Variants in TAS1R1 observed in about 807,000 individuals in gnomAD.
TAS1R1 encodes taste 1 receptor member 1.
In TAS1R1, 31 loss-of-function variants were observed where a neutral mutation model predicts 45.8. That is an observed-to-expected ratio of 0.68 (90% CI 0.51 to 0.91). TAS1R1 has a LOEUF of 0.91. Ranked by LOEUF, TAS1R1 falls within the 40% of genes least tolerant of loss-of-function variation. The pLI is 0.00. For synonymous variants in TAS1R1, 437 were observed against 448.4 expected (o/e 0.97, Z 0.32); for missense variants, 1,051 against 1,063.9 (o/e 0.99, Z 0.17).
At chr1:6,566,004 T>C (rs1639866542) in intron 1 of TAS1R1, among the ~76,000 whole-genome samples, 1 of 152,128 alleles carries the variant, frequency 6.6e-6, no homozygotes, top group Non-Finnish European at 1.5e-5. Context: ...TGGAGAGTTG[T>C]GCTTTGGAGG....
chr1:6,578,248 C>CA (rs1640238721), intron 5 of TAS1R1, among the ~76,000 whole-genome samples: 1 of 152,160 alleles, frequency 6.6e-6, no homozygotes, highest in Admixed American at 6.5e-5. Flanking sequence ...GGTCAGGACT[C>CA]AGAGAAACCA....
chr1:6,567,420 C>T (rs568348870), intron 1 of TAS1R1, among the ~76,000 whole-genome samples: 31 of 152,138 alleles, frequency 2.0e-4, no homozygotes, highest in African/African-American at 6.7e-4. Flanking sequence ...ATTAGCCAGG[C>T]GTGGTGGTGT....
Position 6,575,051 on chromosome 1 carries a change from A to G in TAS1R1, c.919A>G (p.Arg307Gly). 1 of 1,587,544 alleles carries G rather than the reference A, an allele frequency of 6.3e-7. No individual in the cohort carries two copies. Residue 307 changes from arginine to glycine, a missense_variant, in exon 3 of 6, where the codon AGG becomes GGG. Arg to Gly is a moderately radical substitution (Grantham distance 125). Coordinates refer to ENST00000333172, the MANE Select transcript of TAS1R1 (RefSeq NM_138697.4). ...WVASEAWALSRHITGVPGIQR... is the reference protein window; with the variant it reads ...WVASEAWALSGHITGVPGIQR... Reference sequence around the variant, plus strand: ...CGCCTCAGAAGCCTGGGCCCTCTCCAGGCACATCACTGGGGTGCCCGGGAT... The same window carrying G: ...CGCCTCAGAAGCCTGGGCCCTCTCCGGGCACATCACTGGGGTGCCCGGGAT...
intron 1 of TAS1R1, among the ~76,000 whole-genome samples, chr1:6,559,227 A>G (rs1339391972): frequency 6.6e-6 from 1 of 150,868 alleles, no homozygotes; most frequent in Admixed American, 6.6e-5. Flanking sequence ...ACAGGGTTTC[A>G]CTATGTTGGC....
intron 1 of TAS1R1, among the ~76,000 whole-genome samples, chr1:6,570,543 A>G (rs1220477206): frequency 1.3e-5 from 2 of 152,020 alleles, no homozygotes; most frequent in Non-Finnish European, 2.9e-5. Context: ...AGTAACATCA[A>G]TTCTTTATAG....
Position 6,577,000 on chromosome 1 carries a change from G to A in TAS1R1, c.1524G>A (p.Val508=), listed in dbSNP as rs770875090. Residue 508 remains valine (V), a synonymous_variant, in exon 5 of 6, where the codon GTG becomes GTA. Coordinates refer to ENST00000333172, the MANE Select transcript of TAS1R1 (RefSeq NM_138697.4). ...SSDCLEGHQR[V]VTGFHHCCFE... is the part of the protein sequence containing the mutation. ...ACTGTCTTGAAGGGCACCAGCGAGTGGTTACGGGTTTCCATCACTGCTGCT... is the reference window on the plus strand; with the variant it reads ...ACTGTCTTGAAGGGCACCAGCGAGTAGTTACGGGTTTCCATCACTGCTGCT... 1.2e-6 allele frequency: 2 copies of A among 1,614,254 alleles called. No homozygotes were observed. Among genetic ancestry groups the A allele is most frequent in the Non-Finnish European group, 1.7e-6 (2 of 1,180,034 alleles).
At chr1:6,555,665 C>G in intron 1 of TAS1R1, 101 bp downstream of exon 1, 1 of 1,139,260 alleles carries the variant, frequency 8.8e-7, no homozygotes, top group South Asian at 1.5e-5. Flanking sequence ...GCCTTTGCCC[C>G]TTGAACTGTC....
rs1640105228 is a variant in TAS1R1 at position 6,574,550 on chromosome 1, G to A, written c.499-81G>A. ...GCTCTCCTGGTCTCCCCGGCTCCCT[G>A]TATCCCCACACCCAGCACAGGGCCA... On this transcript the variant is annotated intron_variant, in intron 2 of 5. Coordinates refer to ENST00000333172, the MANE Select transcript of TAS1R1 (RefSeq NM_138697.4). This position sits in a 1 kb window ranked among gnomAD's most constrained non-coding sequence, Gnocchi z 4.3. 6.6e-7 allele frequency: 1 copy of A among 1,504,542 alleles called. No homozygotes were observed. The highest frequency in any genetic ancestry group is 8.9e-7 in the Non-Finnish European group (1 of 1,125,450). 93.2% of individuals were successfully genotyped at this position (1,504,542 alleles called of 1,614,324 possible).
intron 2 of TAS1R1, among the ~76,000 whole-genome samples, chr1:6,572,808 G>A (rs1640052680): frequency 6.6e-6 from 1 of 152,026 alleles, no homozygotes; most frequent in African/African-American, 2.4e-5. Context: ...CTGAGCCCCT[G>A]ATGCTGGCCC....
At chr1:6,575,588 G>C (rs1048487234) in intron 3 of TAS1R1, among the ~76,000 whole-genome samples, 196 bp downstream of exon 3, 1 of 152,040 alleles carries the variant, frequency 6.6e-6, no homozygotes, top group South Asian at 2.1e-4. Context: ...ATGCGATCTC[G>C]GCTCTCTGCA....
At chr1:6,569,076 G>A (rs1194676930) in intron 1 of TAS1R1, among the ~76,000 whole-genome samples, 3 of 151,422 alleles carry the variant, frequency 2.0e-5, no homozygotes, top group Admixed American at 1.3e-4. Flanking sequence ...GGGTAGAGAC[G>A]GTGAAAATTC....
chr1:6,565,152 A>C (rs1395979004), intron 1 of TAS1R1, among the ~76,000 whole-genome samples: 4 of 152,082 alleles, frequency 2.6e-5, no homozygotes, highest in African/African-American at 4.8e-5. Flanking sequence ...CAGGTGATTA[A>C]GCATCTCAGT....
At chr1:6,570,398 C>T (rs1639979641) in intron 1 of TAS1R1, among the ~76,000 whole-genome samples, 1 of 148,754 alleles carries the variant, frequency 6.7e-6, no homozygotes, top group African/African-American at 2.5e-5. Flanking sequence ...AGGGGAACAT[C>T]TGCCTTGGCG....
At chr1:6,567,810 T>G (rs1017671599) in intron 1 of TAS1R1, among the ~76,000 whole-genome samples, 1 of 152,176 alleles carries the variant, frequency 6.6e-6, no homozygotes, top group East Asian at 1.9e-4. Context: ...TCCAGTGGCC[T>G]GTCTGCTGGC....
chr1:6,562,892 G>GGGTGCTT (rs1395884874), intron 1 of TAS1R1, among the ~76,000 whole-genome samples: 6 of 152,326 alleles, frequency 3.9e-5, no homozygotes, highest in African/African-American at 1.4e-4. Context: ...CACCTGCCTA[G>GGGTGCTT]GGTGCTTGCT....
At chr1:6,577,877 G>A (rs1182627574) in intron 5 of TAS1R1, among the ~76,000 whole-genome samples, 1 of 152,144 alleles carries the variant, frequency 6.6e-6, no homozygotes, top group East Asian at 1.9e-4. Context: ...GCCTTAGACT[G>A]AGGTGTGTCC....
intron 5 of TAS1R1, 89 bp downstream of exon 5, chr1:6,577,159 G>A: frequency 6.4e-7 from 1 of 1,556,980 alleles, no homozygotes; most frequent in Non-Finnish European, 8.7e-7. Flanking sequence ...CATGTGCCCT[G>A]CCCCAGAACC....
At position 6,574,692 on chromosome 1, in the gene TAS1R1, G is replaced by A. The variant is rs61739635; in HGVS notation, c.560G>A (p.Arg187His). ...AAGCGGCAGTATCCCTCTTTCCTGC[G>A]CACCATCCCCAATGACAAGTACCAG... ...SVKRQYPSFL[R>H]TIPNDKYQVE... Residue 187 changes from arginine to histidine, a missense_variant, in exon 3 of 6, where the codon CGC becomes CAC. Physicochemically the swap from Arg to His is conservative, Grantham distance 29. Coordinates refer to ENST00000333172, the MANE Select transcript of TAS1R1 (RefSeq NM_138697.4). The surrounding 1 kb of genome is among the most constrained non-coding windows in gnomAD (Gnocchi z 4.3). The A allele has an allele frequency of 6.2e-6, 10 of 1,614,032 alleles. No homozygotes were observed. The highest frequency in any genetic ancestry group is 4.4e-5 in the South Asian group (4 of 91,088).
intron 3 of TAS1R1, among the ~76,000 whole-genome samples, chr1:6,575,691 CTTTTCTTT>C (rs1349583477): frequency 1.2e-5 from 1 of 83,904 alleles, no homozygotes; most frequent in Non-Finnish European, 2.4e-5. Context: ...GATAATTTTT[CTTTTCTTT>C]TTTTTTTTTT....
Sources: gnomAD v4.1 joint callset for allele counts (sites outside exome capture counted in the v4.1 genomes callset) on GRCh38, gnomAD v4.1.1 for gene constraint, Gnocchi (gnomAD v3.1) non-coding constraint, MANE v1.5 for transcripts, NCBI Gene and HGNC (gene_info 2026-07-23, HGNC 2026-07-21) for gene names.